Variants in ADAMTSL1 observed in about 807,000 individuals in gnomAD.
ADAMTSL1 encodes the protein ADAMTS-like protein 1.
In ADAMTSL1, 126 loss-of-function variants were observed where a neutral mutation model predicts 201.8. The ratio of observed to expected loss-of-function variants is 0.62; its 90% CI spans 0.54 to 0.72. ADAMTSL1 has a LOEUF of 0.72. Ranked by LOEUF, ADAMTSL1 falls within the 30% of genes least tolerant of loss-of-function variation. The pLI, the probability that ADAMTSL1 is intolerant of heterozygous loss-of-function variation, is 0.00. For missense variants in ADAMTSL1, 2,679 were observed against 2,277.8 expected, an observed-to-expected ratio of 1.18 and a Z score of -3.59; for synonymous variants, 1,121 against 903.4, an observed-to-expected ratio of 1.24 and a Z score of -4.32.
At chr9:18,052,493 G>A (rs572768545) in intron 1 of ADAMTSL1, among the ~76,000 whole-genome samples, 2 of 152,238 alleles carry the variant, frequency 1.3e-5, no homozygotes, top group East Asian at 1.9e-4. Flanking sequence ...GAGAGTGGAC[G>A]AATTTGCTGC....
In ADAMTSL1 at chr9:18,892,587, C is replaced by CT; in HGVS notation, c.4843dup (p.Trp1615LeufsTer91). ...TGTGTGTGGAGTGGGCCTTCTCCAG[C>CT]TGGGGCCAGGTGAGGAGCCAGAGAG... On this transcript the variant is annotated frameshift_variant, in exon 26 of 29. Transcript: ENST00000380548. LOFTEE classifies it high-confidence loss of function. 1 of 1,560,832 alleles carries CT rather than the reference C, an allele frequency of 6.4e-7. No homozygotes were observed. The highest frequency in any genetic ancestry group is 8.7e-7 in the Non-Finnish European group (1 of 1,152,210).
At chr9:18,693,146 G>A (rs1454601634) in intron 13 of ADAMTSL1, among the ~76,000 whole-genome samples, 1 of 152,118 alleles carries the variant, frequency 6.6e-6, no homozygotes, top group African/African-American at 2.4e-5. Context: ...ATGCTCCAGC[G>A]CTTCACTGCT....
rs1830322441 is a variant in ADAMTSL1 at position 18,223,042 on chromosome 9, T to C, written c.207+59061T>C. On this transcript the variant is annotated intron_variant, in intron 2 of 29. Coordinates refer to the ADAMTSL1 transcript ENST00000680146. Reference sequence around the variant, plus strand: ...TATCTAGGTATAGATTTCATTTTAATTTATTCTTCCTCATTCATTTGGGGA... The same window carrying C: ...TATCTAGGTATAGATTTCATTTTAACTTATTCTTCCTCATTCATTTGGGGA... Among the ~76,000 whole-genome samples, 4 of 152,046 alleles carry C rather than the reference T, an allele frequency of 2.6e-5. No individual in the cohort carries two copies. The South Asian group carries it at 8.3e-4, about 32-fold the overall frequency.
chr9:18,898,190 A>C (rs1829776261), intron 26 of ADAMTSL1, among the ~76,000 whole-genome samples: 1 of 152,204 alleles, frequency 6.6e-6, no homozygotes, highest in Non-Finnish European at 1.5e-5. Context: ...CTCCGTCTCA[A>C]AAAAAGAAGG....
intron 7 of ADAMTSL1, among the ~76,000 whole-genome samples, chr9:18,643,242 G>A (rs1173376882): frequency 6.6e-6 from 1 of 151,936 alleles, no homozygotes; most frequent in Non-Finnish European, 1.5e-5. Context: ...AGTCTATTCA[G>A]ATCCTTTGTT....
At chr9:18,390,545 G>A (rs1033590727) in intron 2 of ADAMTSL1, among the ~76,000 whole-genome samples, 1 of 152,214 alleles carries the variant, frequency 6.6e-6, no homozygotes, top group Non-Finnish European at 1.5e-5. Context: ...ACCCCATGGT[G>A]AGCATCTGGA....
At chr9:18,326,786 G>A (rs989269206) in intron 2 of ADAMTSL1, among the ~76,000 whole-genome samples, 4 of 152,146 alleles carry the variant, frequency 2.6e-5, no homozygotes, top group Admixed American at 2.6e-4. Context: ...TATAGTATTT[G>A]AGTATTTCTC....
intron 4 of ADAMTSL1, among the ~76,000 whole-genome samples, chr9:18,591,267 T>G (rs949548334): frequency 6.6e-6 from 1 of 152,214 alleles, no homozygotes; most frequent in Non-Finnish European, 1.5e-5. Context: ...TTTATCATTA[T>G]ATAATGACCT....
intron 10 of ADAMTSL1, among the ~76,000 whole-genome samples, chr9:18,678,041 A>C (rs554163262): frequency 6.6e-6 from 1 of 152,092 alleles, no homozygotes; most frequent in East Asian, 1.9e-4. Flanking sequence ...CACAATTAAC[A>C]TATTTTTACC....
intron 3 of ADAMTSL1, among the ~76,000 whole-genome samples, chr9:18,540,700 C>G (rs995931536): frequency 6.6e-6 from 1 of 152,142 alleles, no homozygotes; most frequent in African/African-American, 2.4e-5. Flanking sequence ...AACTTGGTGA[C>G]TCTATCTACC....
intron 1 of ADAMTSL1, among the ~76,000 whole-genome samples, chr9:17,968,407 A>G (rs569098390): frequency 1.3e-5 from 2 of 152,120 alleles, no homozygotes; most frequent in Non-Finnish European, 2.9e-5. Context: ...TTGCTTACTC[A>G]TGCTATAGAG....
intron 23 of ADAMTSL1, among the ~76,000 whole-genome samples, chr9:18,844,657 C>G (rs949826678): frequency 3.3e-5 from 5 of 152,234 alleles, no homozygotes; most frequent in African/African-American, 1.2e-4. Flanking sequence ...CCTACAGAGG[C>G]AGGCAGGCCT....
chr9:18,835,543 G>C (rs534505290), intron 23 of ADAMTSL1, among the ~76,000 whole-genome samples: 2 of 151,954 alleles, frequency 1.3e-5, no homozygotes, highest in Non-Finnish European at 2.9e-5. Context: ...GGAGGTACAC[G>C]TGCAGGTGTG....
chr9:17,963,665 C>T (rs575758197), intron 1 of ADAMTSL1, among the ~76,000 whole-genome samples: 5 of 152,110 alleles, frequency 3.3e-5, no homozygotes, highest in Non-Finnish European at 5.9e-5. Context: ...ATACGGTTCA[C>T]TTCATTATGT....
At chr9:18,837,407 T>C (rs1413035958) in intron 23 of ADAMTSL1, among the ~76,000 whole-genome samples, 2 of 152,274 alleles carry the variant, frequency 1.3e-5, no homozygotes, top group East Asian at 3.8e-4. Flanking sequence ...CAATTGTTCT[T>C]ATATACGTGG....
At chr9:18,882,298 A>G (rs1248151794) in intron 23 of ADAMTSL1, among the ~76,000 whole-genome samples, 2 of 152,184 alleles carry the variant, frequency 1.3e-5, no homozygotes, top group African/African-American at 4.8e-5. Flanking sequence ...CTGACCAAAC[A>G]GGATTCATGG....
intron 2 of ADAMTSL1, among the ~76,000 whole-genome samples, chr9:18,209,239 A>T (rs1829773781): frequency 6.7e-6 from 1 of 150,342 alleles, no homozygotes; most frequent in Non-Finnish European, 1.5e-5. Flanking sequence ...TGCACATAAA[A>T]ATTACGTCAG....
At position 18,905,902 on chromosome 9, in the gene ADAMTSL1, G is replaced by T; in HGVS notation, c.4961+11G>T. On this transcript the variant is annotated intron_variant, in intron 27 of 28. Coordinates refer to ENST00000380548, the MANE Select transcript of ADAMTSL1 (RefSeq NM_001040272.6). The stretch of plus-strand genomic sequence containing the variant: ...CAGTGCTCTTCCGAGGTAAGAGAAA[G>T]CCCTGAATCTCCTTTTCCCAGCCCC... The T allele has an allele frequency of 6.3e-7, 1 of 1,592,302 alleles. No individual in the cohort carries two copies. Among genetic ancestry groups the T allele is most frequent in the Non-Finnish European group, 8.6e-7 (1 of 1,165,318 alleles).
intron 3 of ADAMTSL1, among the ~76,000 whole-genome samples, chr9:18,562,300 T>C (rs1471780844): frequency 6.6e-6 from 1 of 152,238 alleles, no homozygotes; most frequent in African/African-American, 2.4e-5. Flanking sequence ...TGGCTGGATA[T>C]GAAATTCTTG....
Sources: gnomAD v4.1 joint callset for allele counts (sites outside exome capture counted in the v4.1 genomes callset) on GRCh38, gnomAD v4.1.1 for gene constraint, MANE v1.5 for transcripts, NCBI Gene and HGNC (gene_info 2026-07-23, HGNC 2026-07-21) for gene names.